Variants in GPR161 observed in about 807,000 individuals in gnomAD.
GPR161 encodes G protein-coupled receptor 161.
GPR161 carries 25 observed loss-of-function variants against 39.2 expected under a neutral mutation model. The observed-to-expected ratio is 0.64, with a 90% CI of 0.47 to 0.89. The LOEUF is 0.89. Among genes scored for constraint, GPR161 ranks in the 40% least tolerant of loss-of-function variants. GPR161 has a pLI of 0.00. For missense variants in GPR161, 547 were observed against 677.8 expected (o/e 0.81, Z 2.14); for synonymous variants, 286 against 276.6 (o/e 1.03, Z -0.34).
chr1:168,124,154 C>T (rs1396915510), intron 1 of GPR161, among the ~76,000 whole-genome samples: 1 of 152,178 alleles, frequency 6.6e-6, no homozygotes, highest in African/African-American at 2.4e-5. Flanking sequence ...TCTCCTCAAC[C>T]CCCAGGGCAA....
intron 1 of GPR161, among the ~76,000 whole-genome samples, chr1:168,120,672 G>A (rs1009520573): frequency 1.3e-5 from 2 of 152,112 alleles, no homozygotes; most frequent in Non-Finnish European, 2.9e-5. Flanking sequence ...GACCTGGTGG[G>A]AGGCGATTGG....
intron 3 of GPR161, 113 bp downstream of exon 3, chr1:168,096,395 T>G: frequency 3.1e-5 from 33 of 1,076,308 alleles, no homozygotes; most frequent in Non-Finnish European, 3.8e-5. Flanking sequence ...ATCTGTGCTT[T>G]GAGCCTTACC....
chr1:168,114,331 C>T (rs1697449582), intron 1 of GPR161: 1 of 152,110 alleles, frequency 6.6e-6, no homozygotes. Context: ...ACCTATAATC[C>T]CAGCACTTTA....
In GPR161 at chr1:168,097,156, T is replaced by C. The variant is rs1422651132; in HGVS notation, c.451A>G (p.Ile151Val). Residue 151 changes from isoleucine (I) to valine (V), a missense_variant, in exon 3 of 6, where the codon ATC becomes GTC. Transcript: ENST00000682931. ...CAGCCGATGAGCGAGTGAAGCCAGA[T>C]GTAGACAAGTGCCATCACAGCCCGG... ...GNRAVMALVY[I>V]WLHSLIGCLP... The C allele has an allele frequency of 1.2e-6, 2 of 1,613,900 alleles. No homozygotes were observed. The highest frequency in any genetic ancestry group is 2.2e-5 in the East Asian group (1 of 44,894).
At chr1:168,123,465 T>C (rs2102239559) in intron 1 of GPR161, among the ~76,000 whole-genome samples, 1 of 151,644 alleles carries the variant, frequency 6.6e-6, no homozygotes, top group African/African-American at 2.4e-5. Context: ...CTCAAAAAAT[T>C]ATATGTATGT....
At chr1:168,116,577 G>A (rs1486998922) in intron 1 of GPR161, among the ~76,000 whole-genome samples, 1 of 152,210 alleles carries the variant, frequency 6.6e-6, no homozygotes, top group East Asian at 1.9e-4. Flanking sequence ...AGGCCACACA[G>A]CTCGTTGAGA....
Position 168,096,941 on chromosome 1 carries a change from C to T in GPR161, c.666G>A (p.Val222=), listed in dbSNP as rs1695607858. 1 of 1,614,154 alleles carries T rather than the reference C, an allele frequency of 6.2e-7. No individual in the cohort carries two copies. ...FRVARVKARK[V]HCGTVVIVEE... ...CCACGATGACGACTGTGCCACAGTG[C>T]ACCTTGCGTGCCTTGACCCTGGCCA... is the stretch of plus-strand genomic sequence containing the variant. Residue 222 remains valine (V), a synonymous_variant, in exon 3 of 6, where the codon GTG becomes GTA. Coordinates refer to ENST00000682931, the MANE Select transcript of GPR161 (RefSeq NM_001375883.1).
chr1:168,085,035 A>G lies in GPR161; in HGVS notation c.*496T>C, dbSNP rs1051426. On this transcript the variant is annotated 3_prime_UTR_variant, in exon 6 of 6. Transcript: ENST00000682931. ...CACACTGCCCGCATCAACCATGTAG[A>G]GGCACCAGGACGGTCGCGTGTCATT... 7,537 of 456,286 alleles carry G rather than the reference A, an allele frequency of 0.017. 229 individuals are homozygous for G. Among genetic ancestry groups the G allele is most frequent in the African/African-American group, 0.088 (4,397 of 50,142 alleles). The allele number at this position is 456,286 out of a possible 1,614,324, so 28.3% of individuals were successfully genotyped here.
chr1:168,120,456 G>A (rs1259529134), intron 1 of GPR161, among the ~76,000 whole-genome samples: 1 of 152,200 alleles, frequency 6.6e-6, no homozygotes, highest in Non-Finnish European at 1.5e-5. Flanking sequence ...GACTTGCCTT[G>A]TCTTACGTGA....
chr1:168,135,448 C>G (rs1461378256), intron 1 of GPR161, among the ~76,000 whole-genome samples: 1 of 152,168 alleles, frequency 6.6e-6, no homozygotes. Context: ...AAAGAAGTAA[C>G]AGAAATGGGT....
At chr1:168,106,093 G>C (rs974875800) in intron 1 of GPR161, among the ~76,000 whole-genome samples, 2 of 152,186 alleles carry the variant, frequency 1.3e-5, no homozygotes, top group South Asian at 4.1e-4. Flanking sequence ...CTCATAGTGA[G>C]CTGTATAGTG....
At chr1:168,101,235 C>A (rs1281227884) in intron 2 of GPR161, among the ~76,000 whole-genome samples, 1 of 151,788 alleles carries the variant, frequency 6.6e-6, no homozygotes, top group Non-Finnish European at 1.5e-5. Flanking sequence ...CCCATTAACT[C>A]GTCATTTAGC....
At position 168,129,873 on chromosome 1, in the gene GPR161, AG is replaced by A. The variant is rs374978498; in HGVS notation, c.-45+6865del. Among the ~76,000 whole-genome samples the A allele has an allele frequency of 5.6e-4, 85 of 152,290 alleles. 1 individual carries two copies. The highest frequency in any genetic ancestry group is 1.9e-3 in the African/African-American group (81 of 41,566). On this transcript the variant is annotated intron_variant, in intron 1 of 5. Coordinates refer to ENST00000682931, the MANE Select transcript of GPR161 (RefSeq NM_001375883.1). ...ACAGGTAGGCACAGGAACCCTCTAG[AG>A]GGTAGTCCTAGCCAAAGTCAAAATA...
chr1:168,084,146 C>T lies in GPR161; in HGVS notation c.*1385G>A, dbSNP rs1002210422. ...CATCCCAATCACATTCCTGTGCTTC[C>T]CCTTCTGAGATGGTGACCCTGCCCC... is the stretch of plus-strand genomic sequence containing the variant. On this transcript the variant is annotated 3_prime_UTR_variant, in exon 6 of 6. Coordinates refer to ENST00000682931, the MANE Select transcript of GPR161 (RefSeq NM_001375883.1). 1.3e-5 allele frequency: 2 copies of T among 155,038 alleles called. No individual in the cohort carries two copies. Among genetic ancestry groups the T allele is most frequent in the African/African-American group, 4.8e-5 (2 of 41,436 alleles). The allele number at this position is 155,038 out of a possible 1,614,324, so 9.6% of individuals were successfully genotyped here.
chr1:168,099,143 T>A (rs1231106241), intron 2 of GPR161, among the ~76,000 whole-genome samples: 2 of 152,242 alleles, frequency 1.3e-5, no homozygotes, highest in Non-Finnish European at 2.9e-5. Flanking sequence ...GCTTCTGCGA[T>A]GACCCCCAGG....
intron 2 of GPR161, among the ~76,000 whole-genome samples, chr1:168,100,469 C>G (rs926249880): frequency 3.3e-5 from 5 of 152,114 alleles, no homozygotes; most frequent in Non-Finnish European, 7.4e-5. Context: ...AATCTTTCCT[C>G]CAACTCATTT....
At chr1:168,135,901 A>G (rs923625511) in intron 1 of GPR161, 1 of 455,938 alleles carries the variant, frequency 2.2e-6, no homozygotes, top group African/African-American at 2.0e-5. Flanking sequence ...TGAAAGTACA[A>G]TAACAAGCAA....
intron 1 of GPR161, among the ~76,000 whole-genome samples, chr1:168,120,829 C>T (rs1295946688): frequency 6.6e-6 from 1 of 152,152 alleles, no homozygotes; most frequent in Admixed American, 6.5e-5. Flanking sequence ...ACTTTGCCTT[C>T]TGCCATAATT....
intron 1 of GPR161, among the ~76,000 whole-genome samples, chr1:168,127,266 C>T (rs945212613): frequency 2.6e-5 from 4 of 152,148 alleles, no homozygotes; most frequent in Middle Eastern, 3.4e-3. Context: ...AGGTGGATTG[C>T]CTAAGGTCAG....
Sources: allele counts gnomAD v4.1 joint callset (sites outside exome capture counted in the v4.1 genomes callset), GRCh38; gene constraint gnomAD v4.1.1; transcripts MANE v1.5; gene names NCBI Gene and HGNC (gene_info 2026-07-23, HGNC 2026-07-21).